ARHGEF10: variants seen among roughly 807,000 people sequenced by gnomAD.
ARHGEF10 encodes Rho guanine nucleotide exchange factor 10, also known as Rho guanine nucleotide exchange factor (GEF) 10.
In ARHGEF10, 140 loss-of-function variants were observed where a neutral mutation model predicts 147.4. That is an observed-to-expected ratio of 0.95 (90% CI 0.83 to 1.09). ARHGEF10 has a LOEUF of 1.09. Among genes scored for constraint, ARHGEF10 ranks in the 50% least tolerant of loss-of-function variants. The pLI, the probability that ARHGEF10 is intolerant of heterozygous loss-of-function variation, is 0.00. For synonymous variants in ARHGEF10, 902 were observed against 695.8 expected (o/e 1.30, Z -4.67); for missense variants, 2,222 against 1,752.7 (o/e 1.27, Z -4.78).
intron 1 of ARHGEF10, among the ~76,000 whole-genome samples, chr8:1,831,666 T>C (rs17749991): frequency 0.38 from 45,556 of 118,448 alleles, 10,051 homozygotes; most frequent in Middle Eastern, 0.51. Context: ...AAGGCTGCTC[T>C]GTGCTGCTGG....
chr8:1,909,952 C>G (rs1811237910), intron 18 of ARHGEF10, among the ~76,000 whole-genome samples: 1 of 152,202 alleles, frequency 6.6e-6, no homozygotes, highest in African/African-American at 2.4e-5. Flanking sequence ...TGTCCATGAA[C>G]TTCCCAAGGT....
In ARHGEF10 at chr8:1,864,388, CAGA is replaced by C. The variant is rs1563197429; in HGVS notation, c.501_503del (p.Glu167del). 2 of 1,614,178 alleles carry C rather than the reference CAGA, an allele frequency of 1.2e-6. No individual in the cohort carries two copies. Among genetic ancestry groups the C allele is most frequent in the South Asian group, 2.2e-5 (2 of 91,080 alleles). ...TTCCCAGCAGAAACACCAGAAGTCA[CAGA>C]AGATCGCCAGCCCAATTCTCTGAGT... On this transcript the variant is annotated inframe_deletion, in exon 5 of 29. Coordinates refer to ENST00000349830, the MANE Select transcript of ARHGEF10 (RefSeq NM_014629.4).
chr8:1,887,061 G>A lies in ARHGEF10; in HGVS notation c.1182+1354G>A, dbSNP rs575006284. ...AACACCTTCTTGCCAGTCCTATGAGGCGCTCAATAGGATGACACGCTGGCC... is the reference window on the plus strand; with the variant it reads ...AACACCTTCTTGCCAGTCCTATGAGACGCTCAATAGGATGACACGCTGGCC... On this transcript the variant is annotated intron_variant, in intron 11 of 28. Coordinates refer to ENST00000349830, the MANE Select transcript of ARHGEF10 (RefSeq NM_014629.4). 3.2e-3 allele frequency among the ~76,000 whole-genome samples: 485 copies of A among 152,302 alleles called. 3 individuals carry two copies. The highest frequency in any genetic ancestry group is 3.7e-3 in the Non-Finnish European group (250 of 68,034).
In ARHGEF10 at chr8:1,858,011, A is replaced by T. The variant is rs749763498; in HGVS notation, c.89A>T (p.Gln30Leu). 3.1e-6 allele frequency: 5 copies of T among 1,614,148 alleles called. No individual in the cohort carries two copies. The South Asian group carries it at 5.5e-5, about 18-fold the overall frequency. The change falls in exon 3 of 29, where the codon CAG becomes CTG. Residue 30 changes from glutamine (Q) to leucine (L), a missense_variant. Physicochemically the swap from Gln to Leu is moderately radical, Grantham distance 113. Transcript: ENST00000349830. ...AATAATGAAGAGGAAGAGGGAGAACAGTTCGATTTTGACAGTGGAGATGAA... is the reference window on the plus strand; with the variant it reads ...AATAATGAAGAGGAAGAGGGAGAACTGTTCGATTTTGACAGTGGAGATGAA... ...TNNNEEEEGE[Q>L]FDFDSGDEIP... is the part of the protein sequence containing the mutation.
chr8:1,880,279 G>T (rs1808074444), intron 9 of ARHGEF10, 115 bp downstream of exon 9: 2 of 756,762 alleles, frequency 2.6e-6, no homozygotes, highest in East Asian at 2.6e-5. Context: ...GTGGTCCGGG[G>T]CTCCTGGAAT....
chr8:1,835,978 G>A (rs995225957), intron 1 of ARHGEF10, among the ~76,000 whole-genome samples: 8 of 152,076 alleles, frequency 5.3e-5, no homozygotes, highest in African/African-American at 9.7e-5. Flanking sequence ...TCAGGAGATC[G>A]AGACCATCCT....
rs200109049 is a variant in ARHGEF10, at chr8:1,882,737, C to G, written c.1063C>G (p.Leu355Val). 21 of 1,548,638 alleles carry G rather than the reference C, an allele frequency of 1.4e-5. No individual in the cohort carries two copies. In the Admixed American group the frequency reaches 2.2e-4, roughly 16 times the overall value. ...CCGCTCCTTCATCAGGACCAAGTCT[C>G]TCATCGCACAGGGTCCGTGCCTGCA... is the stretch of plus-strand genomic sequence containing the variant. ...RGRSFIRTKS[L>V]IAQDHRSSLE... Residue 355 changes from leucine to valine, a missense_variant, in exon 10 of 29, where the codon CTC becomes GTC. Physicochemically the swap from Leu to Val is conservative, Grantham distance 32 (BLOSUM62 1). Transcript: ENST00000349830.
chr8:1,936,573 G>A (rs1258991619), intron 26 of ARHGEF10, among the ~76,000 whole-genome samples: 2 of 152,120 alleles, frequency 1.3e-5, no homozygotes, highest in Non-Finnish European at 2.9e-5. Flanking sequence ...GTTGGGGCAA[G>A]GGGTCTAATT....
intron 8 of ARHGEF10, among the ~76,000 whole-genome samples, chr8:1,879,698 G>A (rs944576021): frequency 5.9e-5 from 9 of 151,892 alleles, no homozygotes; most frequent in African/African-American, 2.2e-4. Flanking sequence ...GATCACAGGC[G>A]CGCACCACCC....
chr8:1,832,826 AGG>A (rs1272930453), intron 1 of ARHGEF10, among the ~76,000 whole-genome samples: 21 of 116,180 alleles, frequency 1.8e-4, no homozygotes, highest in Admixed American at 9.3e-4. Context: ...GCAGAGAGAG[AGG>A]CAGAGGCAGA....
At chr8:1,838,524 G>T (rs951573799) in intron 1 of ARHGEF10, among the ~76,000 whole-genome samples, 1 of 152,278 alleles carries the variant, frequency 6.6e-6, no homozygotes, top group Admixed American at 6.5e-5. Flanking sequence ...GTGCACGCCG[G>T]AGGCAGTCCT....
At position 1,866,463 on chromosome 8, in the gene ARHGEF10, T is replaced by C. The variant is rs1806622691; in HGVS notation, c.546-63T>C. ...CACACACACACACTCTGCAGGGCAGTTGGCATCCTAGTGACTTGGGCTGTG... is the reference window on the plus strand; with the variant it reads ...CACACACACACACTCTGCAGGGCAGCTGGCATCCTAGTGACTTGGGCTGTG... On this transcript the variant is annotated intron_variant, in intron 5 of 28. Transcript: ENST00000349830. The C allele has an allele frequency of 2.8e-6, 4 of 1,420,880 alleles. No individual in the cohort carries two copies. In the South Asian group the frequency reaches 4.6e-5, roughly 16 times the overall value. The allele number at this position is 1,420,880 out of a possible 1,614,324, so 88.0% of individuals were successfully genotyped here.
At chr8:1,918,302 C>T (rs1811910348) in intron 18 of ARHGEF10, among the ~76,000 whole-genome samples, 4 of 152,046 alleles carry the variant, frequency 2.6e-5, no homozygotes, top group Admixed American at 2.0e-4. Flanking sequence ...CTGAGGTGCC[C>T]TATTATGAAC....
At chr8:1,833,748 G>T (rs1404697367) in intron 1 of ARHGEF10, among the ~76,000 whole-genome samples, 2 of 152,202 alleles carry the variant, frequency 1.3e-5, no homozygotes, top group Non-Finnish European at 2.9e-5. Context: ...CTTTCCTGCA[G>T]ATCCCGGCCC....
chr8:1,929,634 A>G (rs1812961021), intron 25 of ARHGEF10, among the ~76,000 whole-genome samples, 191 bp downstream of exon 25: 1 of 151,930 alleles, frequency 6.6e-6, no homozygotes, highest in African/African-American at 2.4e-5. Context: ...TTGAATATAC[A>G]GACATCTTTC....
chr8:1,903,530 T>A, intron 16 of ARHGEF10, 79 bp downstream of exon 16: 1 of 1,561,238 alleles, frequency 6.4e-7, no homozygotes, highest in Non-Finnish European at 8.7e-7. Flanking sequence ...CCAGCAATAC[T>A]AATCTTTTGG....
intron 17 of ARHGEF10, among the ~76,000 whole-genome samples, chr8:1,908,890 T>C (rs1198086590): frequency 6.6e-6 from 1 of 152,182 alleles, no homozygotes; most frequent in African/African-American, 2.4e-5. Context: ...AGTGTAGCCA[T>C]AAAAGAATAA....
chr8:1,944,096 C>G (rs1359161572), intron 26 of ARHGEF10, among the ~76,000 whole-genome samples: 1 of 151,540 alleles, frequency 6.6e-6, no homozygotes, highest in African/African-American at 2.4e-5. Context: ...CCTCGGGACC[C>G]CAGCCTCCCG....
intron 13 of ARHGEF10, among the ~76,000 whole-genome samples, chr8:1,895,565 A>AT (rs146628813): frequency 2.0e-5 from 3 of 151,796 alleles, no homozygotes; most frequent in South Asian, 2.1e-4. Context: ...TTGTTATTGG[A>AT]TTTTTTTTCT....
Sources: gnomAD v4.1 joint callset for allele counts (sites outside exome capture counted in the v4.1 genomes callset) on GRCh38, gnomAD v4.1.1 for gene constraint, MANE v1.5 for transcripts, NCBI Gene and HGNC (gene_info 2026-07-23, HGNC 2026-07-21) for gene names.